EPHB2: variants seen among roughly 807,000 people sequenced by gnomAD.
EPHB2 encodes the protein ephrin type-B receptor 2.
EPHB2 carries 18 observed loss-of-function variants against 96.4 expected under a neutral mutation model. The observed-to-expected ratio is 0.19, with a 90% CI of 0.13 to 0.28. The LOEUF (loss-of-function observed/expected upper bound fraction) is 0.28, where lower values mean the gene tolerates loss of function less well. EPHB2 is among the 10% of genes least tolerant of loss of function. EPHB2 has a pLI of 1.00. For missense variants in EPHB2, 989 were observed against 1,355.4 expected, an observed-to-expected ratio of 0.73 and a Z score of 4.25; for synonymous variants, 506 against 534.1, an observed-to-expected ratio of 0.95 and a Z score of 0.72.
chr1:22,729,890 A>G (rs1296445356), intron 1 of EPHB2, among the ~76,000 whole-genome samples: 1 of 152,178 alleles, frequency 6.6e-6, no homozygotes, highest in South Asian at 2.1e-4. Flanking sequence ...TGCTCAACTG[A>G]TATATATTGA....
chr1:22,908,219 T>C (rs779361301), intron 12 of EPHB2, 51 bp downstream of exon 12: 2 of 1,603,188 alleles, frequency 1.2e-6, no homozygotes, highest in Non-Finnish European at 1.7e-6. Flanking sequence ...GAAGAGGGCA[T>C]GAGTGTCCAT....
chr1:22,911,143 AAAATAAATAAATAAAT>A (rs59316223), intron 14 of EPHB2, among the ~76,000 whole-genome samples: 24 of 133,816 alleles, frequency 1.8e-4, no homozygotes, highest in African/African-American at 7.7e-4. Context: ...TCCATCTAAA[AAAATAAATAAATAAAT>A]AAATAAATAA....
At chr1:22,857,706 C>T (rs145630298) in intron 3 of EPHB2, among the ~76,000 whole-genome samples, 53 of 152,194 alleles carry the variant, frequency 3.5e-4, no homozygotes, top group African/African-American at 9.6e-4. Context: ...CTGGCAAGAT[C>T]GGGATGACTC....
chr1:22,844,718 A>G (rs1645516190), intron 3 of EPHB2, among the ~76,000 whole-genome samples: 4 of 152,154 alleles, frequency 2.6e-5, no homozygotes, highest in African/African-American at 9.7e-5. Flanking sequence ...CTCTGAGGAG[A>G]CGAAGCTGGG....
intron 1 of EPHB2, among the ~76,000 whole-genome samples, chr1:22,719,752 C>T (rs111984291): frequency 7.0e-4 from 106 of 152,244 alleles, no homozygotes; most frequent in African/African-American, 2.4e-3. Flanking sequence ...CTTCCAGCTC[C>T]AGGATTCAGT....
intron 1 of EPHB2, among the ~76,000 whole-genome samples, chr1:22,753,074 C>T (rs1644090427): frequency 6.7e-6 from 1 of 150,216 alleles, no homozygotes; most frequent in South Asian, 2.1e-4. Flanking sequence ...AACCACTACA[C>T]CTGGCCCAGG....
At chr1:22,888,245 G>A (rs2148559843) in intron 6 of EPHB2, among the ~76,000 whole-genome samples, 1 of 152,206 alleles carries the variant, frequency 6.6e-6, no homozygotes, top group South Asian at 2.1e-4. Context: ...GTTTCACCAT[G>A]TTGGTCAGGC....
chr1:22,864,955 A>G lies in EPHB2; in HGVS notation c.1046A>G (p.Asp349Gly). Reference protein sequence around the residue: ...SLMLEWTPPRDSGGREDLVYN... With the variant: ...SLMLEWTPPRGSGGREDLVYN... ...ATGCTGGAGTGGACCCCTCCCCGCG[A>G]CTCCGGAGGCCGAGAGGACCTCGTC... The change falls in exon 5 of 16, where the codon GAC becomes GGC. Residue 349 changes from aspartate to glycine, a missense_variant. By Grantham distance (94) the Asp-to-Gly change is moderately conservative. Transcript: ENST00000374630. 1 of 1,603,024 alleles carries G rather than the reference A, an allele frequency of 6.2e-7. No individual in the cohort carries two copies. Among genetic ancestry groups the G allele is most frequent in the Non-Finnish European group, 8.5e-7 (1 of 1,173,486 alleles).
At chr1:22,739,451 AG>A (rs1557645719) in intron 1 of EPHB2, among the ~76,000 whole-genome samples, 1 of 152,094 alleles carries the variant, frequency 6.6e-6, no homozygotes, top group African/African-American at 2.4e-5. Flanking sequence ...CCTGACCTCA[AG>A]TGATCCACCT....
chr1:22,771,444 G>A (rs2148406637), intron 1 of EPHB2, among the ~76,000 whole-genome samples: 1 of 152,304 alleles, frequency 6.6e-6, no homozygotes, highest in African/African-American at 2.4e-5. Context: ...GTGGAGTGAG[G>A]CTGTGTCCAG....
chr1:22,828,405 CCA>C (rs1645255391), intron 3 of EPHB2, among the ~76,000 whole-genome samples: 1 of 152,214 alleles, frequency 6.6e-6, no homozygotes, highest in African/African-American at 2.4e-5. Flanking sequence ...CGTGCCCACC[CCA>C]CCTAGCAGCT....
chr1:22,908,928 T>G (rs2124118323), intron 12 of EPHB2, 94 bp from the exon 13 acceptor site: 1 of 1,549,436 alleles, frequency 6.5e-7, no homozygotes, highest in Non-Finnish European at 8.8e-7. Context: ...CCTCATGAGA[T>G]TGGGGCATCA....
At chr1:22,802,104 CAG>C (rs1644852249) in intron 3 of EPHB2, among the ~76,000 whole-genome samples, 1 of 151,836 alleles carries the variant, frequency 6.6e-6, no homozygotes, top group African/African-American at 2.4e-5. Flanking sequence ...CACGTCCAGG[CAG>C]AGAGTGGAGG....
chr1:22,772,655 A>G (rs1330623586), intron 1 of EPHB2, among the ~76,000 whole-genome samples: 1 of 152,046 alleles, frequency 6.6e-6, no homozygotes, highest in Non-Finnish European at 1.5e-5. Flanking sequence ...TTTATAGAGG[A>G]GAGGGCTCAG....
intron 3 of EPHB2, among the ~76,000 whole-genome samples, chr1:22,851,651 C>G (rs1311511178): frequency 1.3e-5 from 2 of 151,760 alleles, no homozygotes; most frequent in East Asian, 3.8e-4. Flanking sequence ...CCCAGAAGAT[C>G]GTGAAGATTC....
intron 1 of EPHB2, among the ~76,000 whole-genome samples, chr1:22,769,149 T>C (rs1024157691): frequency 6.6e-6 from 1 of 152,242 alleles, no homozygotes; most frequent in African/African-American, 2.4e-5. Flanking sequence ...TAATGTGATA[T>C]GGACAACAGA....
rs889600093 is a variant in EPHB2 at position 22,858,796 on chromosome 1, T to C, written c.812-4241T>C. The stretch of plus-strand genomic sequence containing the variant: ...ATTGGCCTCTGCTACTGAAGAGCTA[T>C]GTCTGTCTGTTCCTCTCTGGGCCTC... On this transcript the variant is annotated intron_variant, in intron 3 of 15. Transcript: ENST00000374630. This position sits in a 1 kb window ranked among gnomAD's most constrained non-coding sequence, Gnocchi z 7.7. 2.6e-5 allele frequency among the ~76,000 whole-genome samples: 4 copies of C among 152,176 alleles called. No individual in the cohort carries two copies. The highest frequency in any genetic ancestry group is 4.4e-5 in the Non-Finnish European group (3 of 68,026).
chr1:22,901,288 T>G (rs1205186506), intron 9 of EPHB2, among the ~76,000 whole-genome samples: 1 of 152,168 alleles, frequency 6.6e-6, no homozygotes, highest in Non-Finnish European at 1.5e-5. Flanking sequence ...AGGTAGGTAT[T>G]GTTTATTATA....
At chr1:22,757,457 G>T (rs1423766744) in intron 1 of EPHB2, among the ~76,000 whole-genome samples, 1 of 152,230 alleles carries the variant, frequency 6.6e-6, no homozygotes, top group Admixed American at 6.5e-5. Flanking sequence ...TCTGGAGTCA[G>T]ACAGGTGTGA....
Sources: gnomAD v4.1 joint callset for allele counts (sites outside exome capture counted in the v4.1 genomes callset) on GRCh38, gnomAD v4.1.1 for gene constraint, Gnocchi (gnomAD v3.1) non-coding constraint, MANE v1.5 for transcripts, NCBI Gene and HGNC (gene_info 2026-07-23, HGNC 2026-07-21) for gene names.